Variants in URB1 observed in about 807,000 individuals in gnomAD.
URB1 encodes nucleolar pre-ribosomal-associated protein 1.
In URB1, 197 loss-of-function variants were observed where a neutral mutation model predicts 242.3. The observed-to-expected ratio is 0.81, with a 90% CI of 0.72 to 0.91. The LOEUF (loss-of-function observed/expected upper bound fraction) is 0.91. Ranked by LOEUF, URB1 falls within the 40% of genes least tolerant of loss-of-function variation. The pLI is 0.00. For synonymous variants in URB1, 1,153 were observed against 1,201.8 expected, an observed-to-expected ratio of 0.96 and a Z score of 0.84; for missense variants, 2,721 against 2,860.5, an observed-to-expected ratio of 0.95 and a Z score of 1.11.
intron 4 of URB1, 50 bp from the exon 5 acceptor site, chr21:32,378,591 C>G: frequency 1.4e-6 from 2 of 1,463,932 alleles, no homozygotes; most frequent in Non-Finnish European, 1.9e-6. Flanking sequence ...CACATACAGC[C>G]AAAGGAATCA....
In URB1 at chr21:32,359,890, C is replaced by T; in HGVS notation, c.1775G>A (p.Gly592Asp). ...KLLKGVISEQ[G>D]LREEVPPILQ... Reference sequence around the variant, plus strand: ...AATGGGAGGCACCTCCTCTCGAAGGCCCTGCTCAGAGATGACACCTATGGG... The same window carrying T: ...AATGGGAGGCACCTCCTCTCGAAGGTCCTGCTCAGAGATGACACCTATGGG... The change falls in exon 14 of 39, where the codon GGC (glycine) becomes GAC (aspartate). Residue 592 changes from glycine (G) to aspartate (D), a missense_variant. Gly to Asp is a moderately conservative substitution (Grantham distance 94). Transcript: ENST00000382751. The T allele has an allele frequency of 6.5e-7, 1 of 1,548,598 alleles. No individual in the cohort carries two copies. The highest frequency in any genetic ancestry group is 2.5e-5 in the East Asian group (1 of 40,728).
intron 1 of URB1, among the ~76,000 whole-genome samples, chr21:32,386,706 C>T (rs986048918): frequency 1.3e-5 from 2 of 152,144 alleles, no homozygotes; most frequent in African/African-American, 4.8e-5. Flanking sequence ...AGCATGGTAA[C>T]GAAACATTAC....
At chr21:32,381,157 T>C (rs1316854922) in intron 4 of URB1, among the ~76,000 whole-genome samples, 1 of 152,096 alleles carries the variant, frequency 6.6e-6, no homozygotes, top group Non-Finnish European at 1.5e-5. Context: ...ATCAAAGGCG[T>C]CCCACTCCTA....
At chr21:32,329,062 G>T (rs1032251735) in intron 30 of URB1, among the ~76,000 whole-genome samples, 1 of 151,610 alleles carries the variant, frequency 6.6e-6, no homozygotes, top group South Asian at 2.1e-4. Context: ...GGATTACTTG[G>T]GGCCAGGAGT....
chr21:32,319,904 T>C (rs1389597075), intron 35 of URB1, among the ~76,000 whole-genome samples: 2 of 152,232 alleles, frequency 1.3e-5, no homozygotes, highest in Admixed American at 1.3e-4. Context: ...GCCTGCATTC[T>C]CCCAGGCTTA....
At position 32,378,526 on chromosome 21, in the gene URB1, G is replaced by A. The variant is rs908272105; in HGVS notation, c.583C>T (p.Arg195Trp). 9 of 1,551,410 alleles carry A rather than the reference G, an allele frequency of 5.8e-6. No homozygotes were observed. The highest frequency in any genetic ancestry group is 2.0e-5 in the Admixed American group (1 of 50,974). The change falls in exon 5 of 39, where the codon CGG (arginine) becomes TGG (tryptophan). Residue 195 changes from arginine to tryptophan, a missense_variant. Physicochemically the swap from Arg to Trp is moderately radical, Grantham distance 101. Transcript: ENST00000382751. ...KRDSKGVYDVRQAYVQFALSF... is the reference protein window; with the variant it reads ...KRDSKGVYDVWQAYVQFALSF... Reference sequence around the variant, plus strand: ...AGAGCAAACTGAACGTAGGCCTGCCGAACGTCGTACACTCCCTAGAGGACA... The same window carrying A: ...AGAGCAAACTGAACGTAGGCCTGCCAAACGTCGTACACTCCCTAGAGGACA...
intron 1 of URB1, among the ~76,000 whole-genome samples, chr21:32,386,075 G>C (rs1024969036): frequency 1.1e-4 from 16 of 151,652 alleles, no homozygotes; most frequent in Non-Finnish European, 2.4e-4. Context: ...TGTGAACTCA[G>C]GAGGCAGAGG....
rs905138365 is a variant in URB1, at chr21:32,359,891, C to G, written c.1774G>C (p.Gly592Arg). 2 of 1,548,434 alleles carry G rather than the reference C, an allele frequency of 1.3e-6. No individual in the cohort carries two copies. Among genetic ancestry groups the G allele is most frequent in the African/African-American group, 2.7e-5 (2 of 72,846 alleles). ...ATGGGAGGCACCTCCTCTCGAAGGC[C>G]CTGCTCAGAGATGACACCTATGGGT... Reference protein sequence around the residue: ...KLLKGVISEQGLREEVPPILQ... With the variant: ...KLLKGVISEQRLREEVPPILQ... Residue 592 changes from glycine to arginine, a missense_variant, in exon 14 of 39, where the codon GGC (glycine) becomes CGC (arginine). Transcript: ENST00000382751.
rs1196205215 is a variant in URB1 at position 32,317,668 on chromosome 21, ACACT to A, written c.6034+4_6034+7del. 3 of 1,551,508 alleles carry A rather than the reference ACACT, an allele frequency of 1.9e-6. No homozygotes were observed. The highest frequency in any genetic ancestry group is 2.6e-6 in the Non-Finnish European group (3 of 1,146,832). The stretch of plus-strand genomic sequence containing the variant: ...TACTCTGGGCCAGTCCTGGGTTCTG[ACACT>A]CACTCATGAGCTCCCGGGCTTGGGC... On this transcript the variant is annotated splice_donor_5th_base_variant and intron_variant, in intron 37 of 38. Transcript: ENST00000382751.
At position 32,336,692 on chromosome 21, in the gene URB1, C is replaced by CA. The variant is rs201813562; in HGVS notation, c.4685+401dup. Among the ~76,000 whole-genome samples the CA allele has an allele frequency of 3.1e-3, 468 of 150,634 alleles. 5 individuals are homozygous for CA. Among genetic ancestry groups the CA allele is most frequent in the East Asian group, 0.012 (61 of 5,154 alleles). ...ACACAAGCATGCATGCACATACAGA[C>CA]AAAAAAAAAGAGATTTTATGTACAG... On this transcript the variant is annotated intron_variant, in intron 28 of 38. Coordinates refer to ENST00000382751, the MANE Select transcript of URB1 (RefSeq NM_014825.3).
At chr21:32,354,731 C>G in intron 17 of URB1, 128 bp downstream of exon 17, 1 of 1,258,610 alleles carries the variant, frequency 7.9e-7, no homozygotes, top group Non-Finnish European at 1.1e-6. Context: ...ACAGGCTGGT[C>G]TTTGCTGCAA....
intron 30 of URB1, among the ~76,000 whole-genome samples, chr21:32,332,289 G>A (rs368755530): frequency 4.0e-5 from 6 of 151,798 alleles, no homozygotes; most frequent in Admixed American, 1.3e-4. Context: ...AGCATGATCC[G>A]TAAAAGGAAA....
At chr21:32,357,737 A>T (rs1318239497) in intron 14 of URB1, 81 bp from the exon 15 acceptor site, 25 of 1,114,252 alleles carry the variant, frequency 2.2e-5, no homozygotes, top group Non-Finnish European at 2.8e-5. Context: ...TATTAGAAAC[A>T]TACCATGGGG....
Position 32,315,072 on chromosome 21 carries a change from TAG to T in URB1, c.6660_6661del (p.Tyr2221HisfsTer23). 1 of 1,542,644 alleles carries T rather than the reference TAG, an allele frequency of 6.5e-7. No homozygotes were observed. The highest frequency in any genetic ancestry group is 8.8e-7 in the Non-Finnish European group (1 of 1,140,516). On this transcript the variant is annotated frameshift_variant, in exon 39 of 39. Coordinates refer to ENST00000382751, the MANE Select transcript of URB1 (RefSeq NM_014825.3). LOFTEE classifies it low-confidence loss of function (END_TRUNC). ...AGCCCCCAGCCAGATGTCCTTTATG[TAG>T]AGAGACACTAGGAATGCTGCGGAGG...
chr21:32,355,644 T>C, intron 15 of URB1, 79 bp from the exon 16 acceptor site: 1 of 1,182,848 alleles, frequency 8.5e-7, no homozygotes, highest in Non-Finnish European at 1.2e-6. Context: ...GGCCTCACTC[T>C]GTCACCCAGG....
chr21:32,362,358 A>C (rs1300621469), intron 11 of URB1, among the ~76,000 whole-genome samples: 2 of 152,042 alleles, frequency 1.3e-5, no homozygotes, highest in African/African-American at 2.4e-5. Context: ...GGCACCCACC[A>C]TCACATCCAG....
chr21:32,358,949 AC>A (rs2033254897), intron 14 of URB1, among the ~76,000 whole-genome samples: 1 of 152,142 alleles, frequency 6.6e-6, no homozygotes, highest in Admixed American at 6.5e-5. Context: ...CACATGAAGC[AC>A]CCGTAACCTG....
intron 28 of URB1, chr21:32,335,711 T>A (rs2032950136): frequency 6.6e-6 from 1 of 152,620 alleles, no homozygotes; most frequent in African/African-American, 2.4e-5. Flanking sequence ...CCCGGCAGAC[T>A]GCCCATCACA....
At position 32,317,856 on chromosome 21, in the gene URB1, A is replaced by G; in HGVS notation, c.5854T>C (p.Tyr1952His). The change falls in exon 37 of 39, where the codon TAC (tyrosine) becomes CAC (histidine). Residue 1952 changes from tyrosine (Y) to histidine (H), a missense_variant. Coordinates refer to ENST00000382751, the MANE Select transcript of URB1 (RefSeq NM_014825.3). ...FFGTLDSVLR[Y>H]RATVIQAFRD... ...AAGGCCTGTATGACAGTGGCCCGGT[A>G]CCTCAGCACGGAGTCAAGTGTCCCG... 6.4e-7 allele frequency: 1 copy of G among 1,551,830 alleles called. No homozygotes were observed. Among genetic ancestry groups the G allele is most frequent in the Admixed American group, 2.0e-5 (1 of 51,004 alleles).
Sources: allele counts gnomAD v4.1 joint callset (sites outside exome capture counted in the v4.1 genomes callset), GRCh38; gene constraint gnomAD v4.1.1; transcripts MANE v1.5; gene names NCBI Gene and HGNC (gene_info 2026-07-23, HGNC 2026-07-21).